The following ATRNL1 variants were observed in gnomAD, a reference collection of about 807,000 sequenced individuals.
ATRNL1 encodes the protein attractin like 1, also known as attractin-like protein 1.
ATRNL1 carries 95 observed loss-of-function variants against 182.7 expected under a neutral mutation model. That is an observed-to-expected ratio of 0.52 (90% CI 0.44 to 0.62). ATRNL1 has a LOEUF of 0.62. Among genes scored for constraint, ATRNL1 ranks in the 20% least tolerant of loss-of-function variants. The probability of loss-of-function intolerance (pLI) is 0.00; values close to 1 mark genes in which losing one functional copy is unlikely to be tolerated. For synonymous variants in ATRNL1, 576 were observed against 568.3 expected (o/e 1.01, Z -0.19); for missense variants, 1,471 against 1,679.5 (o/e 0.88, Z 2.17).
chr10:115,770,524 T>C (rs190780057), intron 27 of ATRNL1, among the ~76,000 whole-genome samples: 1 of 152,292 alleles, frequency 6.6e-6, no homozygotes, highest in Admixed American at 6.5e-5. Context: ...AGGCAGGCTG[T>C]GTCAAAAGCA....
chr10:115,820,891 C>T (rs1555090092), intron 27 of ATRNL1, among the ~76,000 whole-genome samples: 1 of 152,108 alleles, frequency 6.6e-6, no homozygotes, highest in African/African-American at 2.4e-5. Context: ...TCCCCAGTGT[C>T]TAGGGCAGGA....
intron 26 of ATRNL1, among the ~76,000 whole-genome samples, chr10:115,687,266 A>T (rs74720492): frequency 0.018 from 2,683 of 151,986 alleles, 78 homozygotes; most frequent in African/African-American, 0.061. Context: ...ACACTTCTCC[A>T]CTTCCGTCTT....
chr10:115,466,058 C>T (rs1319937833), intron 22 of ATRNL1, among the ~76,000 whole-genome samples: 1 of 151,366 alleles, frequency 6.6e-6, no homozygotes, highest in Non-Finnish European at 1.5e-5. Flanking sequence ...CATCCAGCAG[C>T]CTTTGCTTTT....
chr10:115,934,960 T>C (rs1953512835), intron 28 of ATRNL1, among the ~76,000 whole-genome samples: 5 of 152,182 alleles, frequency 3.3e-5, no homozygotes, highest in Admixed American at 3.3e-4. Flanking sequence ...GTTTCCAGTA[T>C]CCAGAACACA....
chr10:115,286,689 G>A (rs1852632377), intron 15 of ATRNL1, among the ~76,000 whole-genome samples: 1 of 151,892 alleles, frequency 6.6e-6, no homozygotes, highest in Admixed American at 6.6e-5. Flanking sequence ...ACTGCACTTG[G>A]TATAGTGTGG....
At chr10:115,297,360 G>A (rs116003724) in intron 15 of ATRNL1, among the ~76,000 whole-genome samples, 2,043 of 152,020 alleles carry the variant, frequency 0.013, 30 homozygotes, top group African/African-American at 0.039. Context: ...GACAATTACC[G>A]TCCGGGCGTG....
At chr10:115,671,345 G>C (rs1377673809) in intron 26 of ATRNL1, among the ~76,000 whole-genome samples, 1 of 152,042 alleles carries the variant, frequency 6.6e-6, no homozygotes, top group Admixed American at 6.6e-5. Context: ...CTAAAGGAAA[G>C]AGAAGAAAAG....
rs1953893819 is a variant in ATRNL1, at chr10:115,947,184, G to A, written c.*2405G>A. On this transcript the variant is annotated 3_prime_UTR_variant, in exon 29 of 29. Coordinates refer to ENST00000355044, the MANE Select transcript of ATRNL1 (RefSeq NM_207303.4). ...TGAAGTGGATTGAAAAGACATCAAG[G>A]ATCAAGGATAATCACTTTGAATCTG... The A allele has an allele frequency of 6.6e-6, 1 of 152,546 alleles. No homozygotes were observed. Among genetic ancestry groups the A allele is most frequent in the Non-Finnish European group, 1.5e-5 (1 of 68,034 alleles). The allele number at this position is 152,546 out of a possible 1,614,324, so 9.4% of individuals were successfully genotyped here.
At chr10:115,213,951 A>T (rs1445728475) in intron 8 of ATRNL1, among the ~76,000 whole-genome samples, 1 of 152,004 alleles carries the variant, frequency 6.6e-6, no homozygotes, top group Non-Finnish European at 1.5e-5. Context: ...TTAGCTCTTA[A>T]AAAAGTAATA....
intron 9 of ATRNL1, among the ~76,000 whole-genome samples, chr10:115,235,361 C>T (rs1850136353): frequency 6.6e-6 from 1 of 152,010 alleles, no homozygotes; most frequent in Admixed American, 6.6e-5. Context: ...CCATCAGCCC[C>T]AAAAGAAACC....
rs146005785 is a variant in ATRNL1 at position 115,539,326 on chromosome 10, T to C, written c.3717-10132T>C. 7.6e-3 allele frequency among the ~76,000 whole-genome samples: 1,153 copies of C among 152,356 alleles called. 9 individuals are homozygous for C. The highest frequency in any genetic ancestry group is 0.017 in the Middle Eastern group (5 of 294). On this transcript the variant is annotated intron_variant, in intron 25 of 28. Transcript: ENST00000355044. Reference sequence around the variant, plus strand: ...CTTTGTCAAACATTCACCATAGGGTTCCAGTTCCAGGTAAGATTGTGTAAA... The same window carrying C: ...CTTTGTCAAACATTCACCATAGGGTCCCAGTTCCAGGTAAGATTGTGTAAA...
chr10:115,830,739 C>A (rs150865660), intron 27 of ATRNL1, among the ~76,000 whole-genome samples: 3 of 152,140 alleles, frequency 2.0e-5, no homozygotes, highest in Admixed American at 1.3e-4. Flanking sequence ...CTGTCACAAT[C>A]GAGCTTTTCC....
chr10:115,349,363 G>A (rs918773036), intron 19 of ATRNL1, among the ~76,000 whole-genome samples: 3 of 152,046 alleles, frequency 2.0e-5, no homozygotes, highest in African/African-American at 4.8e-5. Flanking sequence ...TTCATCTGTC[G>A]ATGGACACCT....
intron 26 of ATRNL1, among the ~76,000 whole-genome samples, chr10:115,600,579 ATTC>A (rs1379024739): frequency 6.6e-6 from 1 of 152,076 alleles, no homozygotes; most frequent in Non-Finnish European, 1.5e-5. Context: ...TTGACAAAGT[ATTC>A]TTATTATTGA....
intron 15 of ATRNL1, among the ~76,000 whole-genome samples, chr10:115,295,149 A>AT (rs1241051082): frequency 6.6e-6 from 1 of 151,466 alleles, no homozygotes; most frequent in African/African-American, 2.4e-5. Context: ...GCCTGGAAAG[A>AT]TTTTTTCCAG....
intron 17 of ATRNL1, among the ~76,000 whole-genome samples, chr10:115,304,455 C>T (rs960262730): frequency 6.6e-6 from 1 of 152,066 alleles, no homozygotes; most frequent in Non-Finnish European, 1.5e-5. Context: ...ACAATACGGA[C>T]ACACGTGGAG....
chr10:115,396,033 A>G (rs1380361401), intron 20 of ATRNL1, among the ~76,000 whole-genome samples: 1 of 151,840 alleles, frequency 6.6e-6, no homozygotes, highest in African/African-American at 2.4e-5. Flanking sequence ...TCTATTAAGC[A>G]TGGAAAATGA....
At chr10:115,352,281 TA>T (rs1406223693) in intron 19 of ATRNL1, among the ~76,000 whole-genome samples, 4 of 152,116 alleles carry the variant, frequency 2.6e-5, no homozygotes, top group Admixed American at 2.6e-4. Context: ...CTTTTATATA[TA>T]TTTTTTAGTC....
At chr10:115,876,023 G>A (rs1219099153) in intron 28 of ATRNL1, among the ~76,000 whole-genome samples, 2 of 152,296 alleles carry the variant, frequency 1.3e-5, no homozygotes, top group East Asian at 3.9e-4. Flanking sequence ...TCTTGAAGTC[G>A]GAAGTAGGTA....
Sources: gnomAD v4.1 joint callset for allele counts (sites outside exome capture counted in the v4.1 genomes callset) on GRCh38, gnomAD v4.1.1 for gene constraint, MANE v1.5 for transcripts, NCBI Gene and HGNC (gene_info 2026-07-23, HGNC 2026-07-21) for gene names.